RAPSN: variants seen among roughly 807,000 people sequenced by gnomAD.
RAPSN encodes receptor associated protein of the synapse.
Under a neutral mutation model 45.7 loss-of-function variants are expected in RAPSN, and 33 were observed. That is an observed-to-expected ratio of 0.72 (90% confidence interval 0.55 to 0.97). The LOEUF (loss-of-function observed/expected upper bound fraction) is 0.97. RAPSN is among the 50% of genes least tolerant of loss of function. RAPSN has a pLI of 0.00. For synonymous variants in RAPSN, 244 were observed against 233.6 expected (o/e 1.04, Z -0.40); for missense variants, 519 against 559.4 (o/e 0.93, Z 0.73).
At chr11:47,439,053 C>A in intron 6 of RAPSN, 122 bp from the exon 7 acceptor site, 1 of 1,098,044 alleles carries the variant, frequency 9.1e-7, no homozygotes, top group Non-Finnish European at 1.3e-6. Flanking sequence ...CCTGCCCTCT[C>A]TGGGACCTTG....
intron 2 of RAPSN, 47 bp downstream of exon 2, chr11:47,447,765 G>A (rs779936539): frequency 3.8e-6 from 6 of 1,563,356 alleles, no homozygotes; most frequent in Non-Finnish European, 5.2e-6. Context: ...TCATGAGAGG[G>A]GAGCCCCAAA....
chr11:47,440,012 GCTAATCTTCT>G (rs2076351071), intron 6 of RAPSN, among the ~76,000 whole-genome samples: 1 of 152,142 alleles, frequency 6.6e-6, no homozygotes. Context: ...TTTAGGCCAT[GCTAATCTTCT>G]CTGTATTGTT....
intron 2 of RAPSN, among the ~76,000 whole-genome samples, chr11:47,445,607 A>T (rs1450480536): frequency 6.6e-6 from 1 of 151,462 alleles, no homozygotes; most frequent in African/African-American, 2.4e-5. Context: ...AAAAAAAAAA[A>T]AAAAAAAAGC....
rs1272770182 is a variant in RAPSN, at chr11:47,441,442, C to T, written c.912+169G>A. On this transcript the variant is annotated intron_variant, in intron 5 of 7. Coordinates refer to ENST00000298854, the MANE Select transcript of RAPSN (RefSeq NM_005055.5). ...CCTTTACTAGCTGTGGGTCCTAGGG[C>T]AAGTGATGGGCCTTCTCTGAGCCTG... 25 of 1,350,074 alleles carry T rather than the reference C, an allele frequency of 1.9e-5. 1 individual carries two copies. The South Asian group carries it at 2.6e-4, about 14-fold the overall frequency. 83.6% of individuals were successfully genotyped at this position (1,350,074 alleles called of 1,614,324 possible).
At chr11:47,444,653 T>A (rs938364319) in intron 2 of RAPSN, among the ~76,000 whole-genome samples, 12 of 150,422 alleles carry the variant, frequency 8.0e-5, no homozygotes, top group Non-Finnish European at 1.3e-4. Context: ...AGTCAGGAGA[T>A]CGAGACCATC....
chr11:47,441,353 G>A, intron 5 of RAPSN, 141 bp from the exon 6 acceptor site: 1 of 1,253,964 alleles, frequency 8.0e-7, no homozygotes, highest in Non-Finnish European at 1.1e-6. Flanking sequence ...GAAGAGACTA[G>A]GGCACAGTCA....
At chr11:47,445,706 G>A (rs561098946) in intron 2 of RAPSN, among the ~76,000 whole-genome samples, 12 of 150,620 alleles carry the variant, frequency 8.0e-5, no homozygotes, top group African/African-American at 2.9e-4. Flanking sequence ...ATTATTTTAC[G>A]TATTTTGTAG....
intron 2 of RAPSN, 34 bp from the exon 3 acceptor site, chr11:47,442,848 G>A (rs180729397): frequency 6.2e-7 from 1 of 1,611,410 alleles, no homozygotes; most frequent in Non-Finnish European, 8.5e-7. Flanking sequence ...GAGGCAAACT[G>A]AGTGGCAGAG....
intron 2 of RAPSN, among the ~76,000 whole-genome samples, chr11:47,446,733 C>G (rs2076409158): frequency 6.6e-6 from 1 of 152,136 alleles, no homozygotes; most frequent in African/African-American, 2.4e-5. Context: ...GGTGAAACCC[C>G]ATTTCTACTA....
Position 47,437,824 on chromosome 11 carries a change from C to G in RAPSN, c.*151G>C. 1.1e-6 allele frequency: 1 copy of G among 911,700 alleles called. No individual in the cohort carries two copies. Among genetic ancestry groups the G allele is most frequent in the Non-Finnish European group, 1.7e-6 (1 of 573,440 alleles). The allele number at this position is 911,700 out of a possible 1,614,324, so 56.5% of individuals were successfully genotyped here. On this transcript the variant is annotated 3_prime_UTR_variant, in exon 8 of 8. Coordinates refer to ENST00000298854, the MANE Select transcript of RAPSN (RefSeq NM_005055.5). Reference sequence around the variant, plus strand: ...AAGTACAAAGAGGCAGGGAGGGGAGCTGGGCCCAGGGGAGCAGCCCTGGGC... The same window carrying G: ...AAGTACAAAGAGGCAGGGAGGGGAGGTGGGCCCAGGGGAGCAGCCCTGGGC...
In RAPSN at chr11:47,441,874, C is replaced by T. The variant is rs889862832; in HGVS notation, c.738G>A (p.Ala246=). Residue 246 remains alanine, a synonymous_variant, in exon 4 of 8, where the codon GCG becomes GCA. Transcript: ENST00000298854. ...TGTCAGCGAAGCAGAGCAGGCAGAG[C>T]GCCTGCAGTGGCCGGTCCCCGTGCT... is the stretch of plus-strand genomic sequence containing the variant. ...ALQHGDRPLQ[A]LCLLCFADIH... is the part of the protein sequence containing the mutation. The T allele has an allele frequency of 5.6e-6, 9 of 1,595,580 alleles. No individual in the cohort carries two copies. Among genetic ancestry groups the T allele is most frequent in the African/African-American group, 1.3e-5 (1 of 74,662 alleles).
At chr11:47,441,567 G>A (rs1310089824) in intron 5 of RAPSN, 44 bp downstream of exon 5, 3 of 1,599,602 alleles carry the variant, frequency 1.9e-6, no homozygotes, top group African/African-American at 2.7e-5. Context: ...CCCAAGTGGG[G>A]AGTGCTGGGA....
In RAPSN at chr11:47,449,069, G is replaced by T. The variant is rs1043342696; in HGVS notation, c.-105C>A. 1.2e-4 allele frequency: 168 copies of T among 1,417,356 alleles called. 1 individual carries two copies. Among genetic ancestry groups the T allele is most frequent in the Non-Finnish European group, 1.5e-4 (153 of 1,009,018 alleles). The allele number at this position is 1,417,356 out of a possible 1,614,324, so 87.8% of individuals were successfully genotyped here. The stretch of plus-strand genomic sequence containing the variant: ...GTGCCAGCTGCCCCCCGAAACGTGG[G>T]AACAAAAGCAGCGTCGGGTGGGAGC... On this transcript the variant is annotated 5_prime_UTR_variant, in exon 1 of 8. Coordinates refer to ENST00000298854, the MANE Select transcript of RAPSN (RefSeq NM_005055.5).
chr11:47,439,423 G>A (rs1310709989), intron 6 of RAPSN, among the ~76,000 whole-genome samples: 3 of 152,132 alleles, frequency 2.0e-5, no homozygotes, highest in Non-Finnish European at 4.4e-5. Flanking sequence ...GCAGTAAGCC[G>A]AAATCGCACC....
chr11:47,441,394 C>T (rs1213594023), intron 5 of RAPSN, 182 bp from the exon 6 acceptor site: 1 of 1,164,754 alleles, frequency 8.6e-7, no homozygotes, highest in Non-Finnish European at 1.2e-6. Context: ...GACCTCCTGC[C>T]TCAGTTTACC....
At chr11:47,442,067 C>T (rs2076370282) in intron 3 of RAPSN, 146 bp from the exon 4 acceptor site, 1 of 844,204 alleles carries the variant, frequency 1.2e-6, no homozygotes, top group African/African-American at 1.7e-5. Flanking sequence ...AGGGCTCACA[C>T]ACTGAACCAC....
Position 47,441,836 on chromosome 11 carries a change from C to T in RAPSN, c.776G>A (p.Arg259His), listed in dbSNP as rs766051613. 250 of 1,584,224 alleles carry T rather than the reference C, an allele frequency of 1.6e-4. 2 individuals are homozygous for T. The highest frequency in any genetic ancestry group is 4.5e-4 in the Middle Eastern group (2 of 4,450). The change falls in exon 4 of 8, where the codon CGT (arginine) becomes CAT (histidine). Residue 259 changes from arginine (R) to histidine (H), a missense_variant. Coordinates refer to ENST00000298854, the MANE Select transcript of RAPSN (RefSeq NM_005055.5). ...CGGTGACCTCACCTCCAGGTCCCCA[C>T]GGCTCCGGTGGATGTCAGCGAAGCA... The part of the protein sequence containing the change: ...LLCFADIHRS[R>H]GDLETAFPRY...
At position 47,448,128 on chromosome 11, in the gene RAPSN, G is replaced by A. The variant is rs770633491; in HGVS notation, c.215C>T (p.Thr72Met). ...MLKFAVVQID[T>M]ARELEDADFL... ...GTCGGCATCCTCCAGCTCCCGGGCC[G>A]TGTCGATCTGGACCACAGCGAACTG... The change falls in exon 2 of 8, where the codon ACG (threonine) becomes ATG (methionine). Residue 72 changes from threonine (T) to methionine (M), a missense_variant. Coordinates refer to ENST00000298854, the MANE Select transcript of RAPSN (RefSeq NM_005055.5). 3.0e-5 allele frequency: 49 copies of A among 1,612,468 alleles called. No individual in the cohort carries two copies. The highest frequency in any genetic ancestry group is 5.5e-5 in the South Asian group (5 of 91,074).
Position 47,437,974 on chromosome 11 carries a change from G to A in RAPSN, c.*1C>T. 6.4e-7 allele frequency: 1 copy of A among 1,550,892 alleles called. No homozygotes were observed. Among genetic ancestry groups the A allele is most frequent in the East Asian group, 2.4e-5 (1 of 40,908 alleles). ...AGGAAGCCCACGCCTGCTGCCAGGA[G>A]TCATACAAAGCCAGGCTTCATGGAT... On this transcript the variant is annotated 3_prime_UTR_variant, in exon 8 of 8. Coordinates refer to ENST00000298854, the MANE Select transcript of RAPSN (RefSeq NM_005055.5).
Sources: gnomAD v4.1 joint callset for allele counts (sites outside exome capture counted in the v4.1 genomes callset) on GRCh38, gnomAD v4.1.1 for gene constraint, MANE v1.5 for transcripts, NCBI Gene and HGNC (gene_info 2026-07-23, HGNC 2026-07-21) for gene names.